PCDH15: variants seen among roughly 807,000 people sequenced by gnomAD.
PCDH15 encodes protocadherin-15.
A neutral mutation model predicts 178.5 loss-of-function variants in PCDH15; 129 were observed. The ratio of observed to expected loss-of-function variants is 0.72; its 90% confidence interval spans 0.63 to 0.84. The LOEUF (loss-of-function observed/expected upper bound fraction) is 0.84, where lower values mean the gene tolerates loss of function less well. PCDH15 is among the 40% of genes least tolerant of loss of function. The probability of loss-of-function intolerance (pLI) is 0.00; values close to 1 mark genes in which losing one functional copy is unlikely to be tolerated. For synonymous variants in PCDH15, 800 were observed against 732.0 expected, an observed-to-expected ratio of 1.09 and a Z score of -1.50; for missense variants, 2,230 against 2,099.9, an observed-to-expected ratio of 1.06 and a Z score of -1.21.
intron 2 of PCDH15, among the ~76,000 whole-genome samples, chr10:54,577,723 T>A (rs7476568): frequency 3.3e-5 from 5 of 152,054 alleles, no homozygotes; most frequent in Non-Finnish European, 7.4e-5. Context: ...CCTTACCCAG[T>A]GTGCCCACTA....
Position 54,567,692 on chromosome 10 carries a change from A to G in PCDH15, c.92-39815T>C, listed in dbSNP as rs535149294. Among the ~76,000 whole-genome samples the G allele has an allele frequency of 1.8e-3, 279 of 152,318 alleles. 1 individual carries two copies. The highest frequency in any genetic ancestry group is 6.6e-3 in the African/African-American group (274 of 41,580). On this transcript the variant is annotated intron_variant, in intron 2 of 37. Coordinates refer to ENST00000644397, the MANE Select transcript of PCDH15 (RefSeq NM_001384140.1). ...TTAAAACTGCTGTCTTACTATCTAC[A>G]GAATTTTCTAATTAGCCTAAAGAGA...
intron 2 of PCDH15, among the ~76,000 whole-genome samples, chr10:55,026,671 G>A (rs889159074): frequency 6.6e-6 from 1 of 151,928 alleles, no homozygotes; most frequent in Non-Finnish European, 1.5e-5. Flanking sequence ...CACTTAGGTA[G>A]TCATGGCTTT....
At chr10:54,548,191 T>C (rs187484345) in intron 2 of PCDH15, among the ~76,000 whole-genome samples, 71 of 147,718 alleles carry the variant, frequency 4.8e-4, no homozygotes, top group Non-Finnish European at 7.9e-4. Flanking sequence ...ATTTATATTT[T>C]ATATGTATAT....
intron 8 of PCDH15, among the ~76,000 whole-genome samples, chr10:54,311,496 T>C (rs978812482): frequency 1.3e-5 from 2 of 152,134 alleles, no homozygotes; most frequent in South Asian, 2.1e-4. Context: ...AAACCTTAAC[T>C]TTACAGACAT....
At chr10:55,314,181 C>T (rs1843662559) in intron 1 of PCDH15, among the ~76,000 whole-genome samples, 1 of 135,800 alleles carries the variant, frequency 7.4e-6, no homozygotes, top group East Asian at 2.0e-4. Flanking sequence ...ATTATATATA[C>T]ATTATATATG....
At chr10:54,429,713 C>T (rs542549325) in intron 3 of PCDH15, among the ~76,000 whole-genome samples, 2 of 151,968 alleles carry the variant, frequency 1.3e-5, no homozygotes, top group South Asian at 2.1e-4. Flanking sequence ...ATGGATTTCT[C>T]GACAAAAACT....
chr10:55,342,800 C>T (rs1240924722), intron 2 of PCDH15, among the ~76,000 whole-genome samples: 3 of 152,098 alleles, frequency 2.0e-5, no homozygotes, highest in Non-Finnish European at 4.4e-5. Context: ...GAGGAGGGCA[C>T]ATTTCTGGAG....
At chr10:55,155,488 CAAAA>C (rs33986131) in intron 2 of PCDH15, among the ~76,000 whole-genome samples, 3 of 116,032 alleles carry the variant, frequency 2.6e-5, no homozygotes, top group African/African-American at 3.4e-5. Context: ...GCAACCAATG[CAAAA>C]AAAAAAAAAA....
Position 53,959,759 on chromosome 10 carries a change from A to T in PCDH15, c.3095T>A (p.Ile1032Asn), listed in dbSNP as rs747488369. 1.9e-6 allele frequency: 3 copies of T among 1,613,488 alleles called. No individual in the cohort carries two copies. The highest frequency in any genetic ancestry group is 2.2e-5 in the East Asian group (1 of 44,848). ...VKILVLHPGE[I>N]PRFTQEEYRP... ...ATATTCCTCCTGTGTGAAGCGTGGG[A>T]TCTCACCAGGATGTAAGACAAGAAT... is the stretch of plus-strand genomic sequence containing the variant. Residue 1032 changes from isoleucine to asparagine, a missense_variant, in exon 23 of 38, where the codon ATC becomes AAC. Physicochemically the swap from Ile to Asn is moderately radical, Grantham distance 149 (BLOSUM62 -3). Transcript: ENST00000644397.
intron 2 of PCDH15, among the ~76,000 whole-genome samples, chr10:54,907,959 G>A (rs1954753278): frequency 6.6e-6 from 1 of 152,156 alleles, no homozygotes; most frequent in African/African-American, 2.4e-5. Context: ...ACATTGCTGG[G>A]ATATTCAGAC....
intron 3 of PCDH15, among the ~76,000 whole-genome samples, chr10:54,880,564 A>T (rs912547227): frequency 1.3e-5 from 2 of 151,968 alleles, no homozygotes; most frequent in African/African-American, 4.8e-5. Flanking sequence ...GAAAAGCAGT[A>T]AAGTGTAGGA....
At chr10:55,219,033 A>AT (rs1168866131) in intron 1 of PCDH15, among the ~76,000 whole-genome samples, 3 of 152,000 alleles carry the variant, frequency 2.0e-5, no homozygotes, top group Non-Finnish European at 2.9e-5. Context: ...TTCTCTCATA[A>AT]TTATCAAGTG....
intron 2 of PCDH15, among the ~76,000 whole-genome samples, chr10:54,945,344 A>AGAT (rs60189577): frequency 0.26 from 37,721 of 144,310 alleles, 5,421 homozygotes; most frequent in Non-Finnish European, 0.33. Context: ...ATAGATAGAT[A>AGAT]GATAGATGAT....
chr10:54,953,401 T>G (rs115528377), intron 2 of PCDH15, among the ~76,000 whole-genome samples: 2 of 151,586 alleles, frequency 1.3e-5, no homozygotes, highest in South Asian at 2.1e-4. Context: ...TTTTAGTACA[T>G]TGTTGGATTC....
chr10:55,087,664 G>T (rs1842207415), intron 2 of PCDH15, among the ~76,000 whole-genome samples: 1 of 152,162 alleles, frequency 6.6e-6, no homozygotes. Flanking sequence ...TTGTGGAGAT[G>T]AAAGCAGGTG....
At chr10:54,042,810 C>G (rs1417612338) in intron 18 of PCDH15, among the ~76,000 whole-genome samples, 1 of 152,064 alleles carries the variant, frequency 6.6e-6, no homozygotes, top group Non-Finnish European at 1.5e-5. Flanking sequence ...TGCTGTAGTG[C>G]AGAAATTGAC....
chr10:54,164,784 AG>A (rs2046049330), intron 13 of PCDH15, among the ~76,000 whole-genome samples: 1 of 152,134 alleles, frequency 6.6e-6, no homozygotes, highest in Non-Finnish European at 1.5e-5. Context: ...ACACATAATG[AG>A]TGCAGATGAC....
At chr10:54,680,274 T>C (rs2094874718) in intron 1 of PCDH15, among the ~76,000 whole-genome samples, 1 of 152,060 alleles carries the variant, frequency 6.6e-6, no homozygotes, top group African/African-American at 2.4e-5. Flanking sequence ...TCGAGGTTAC[T>C]TTTTCTTTTT....
rs143377619 is a variant in PCDH15 at position 54,589,759 on chromosome 10, G to A, written c.92-61882C>T. ...GGGACTACAGGTGCCCACCACACCCGGCTAATTTTTCTATTTTTAGTAGAG... is the reference window on the plus strand; with the variant it reads ...GGGACTACAGGTGCCCACCACACCCAGCTAATTTTTCTATTTTTAGTAGAG... On this transcript the variant is annotated intron_variant, in intron 2 of 37. Coordinates refer to ENST00000644397, the MANE Select transcript of PCDH15 (RefSeq NM_001384140.1). Among the ~76,000 whole-genome samples, 44 of 151,880 alleles carry A rather than the reference G, an allele frequency of 2.9e-4. No individual in the cohort carries two copies. In the East Asian group the frequency reaches 6.2e-3, roughly 21 times the overall value.
Sources: allele counts gnomAD v4.1 joint callset (sites outside exome capture counted in the v4.1 genomes callset), GRCh38; gene constraint gnomAD v4.1.1; transcripts MANE v1.5; gene names NCBI Gene and HGNC (gene_info 2026-07-23, HGNC 2026-07-21).